Variants in TENM4 observed in about 807,000 individuals in gnomAD.
TENM4 encodes the protein teneurin-4.
TENM4 carries 82 observed loss-of-function variants against 243.3 expected under a neutral mutation model. That is an observed-to-expected ratio of 0.34 (90% CI 0.28 to 0.40). The LOEUF (loss-of-function observed/expected upper bound fraction) is 0.40. TENM4 is among the 10% of genes least tolerant of loss of function. TENM4 has a pLI of 1.00. For synonymous variants in TENM4, 1,412 were observed against 1,456.3 expected (o/e 0.97, Z 0.69); for missense variants, 3,138 against 3,673.3 (o/e 0.85, Z 3.77).
chr11:78,864,352 T>C (rs1208706987), intron 9 of TENM4, among the ~76,000 whole-genome samples: 1 of 130,950 alleles, frequency 7.6e-6, no homozygotes, highest in African/African-American at 3.1e-5. Flanking sequence ...GAGAATGAAG[T>C]GAACCTGGGA....
intron 12 of TENM4, among the ~76,000 whole-genome samples, chr11:78,825,239 T>C (rs1857825690): frequency 6.6e-6 from 1 of 152,232 alleles, no homozygotes; most frequent in Non-Finnish European, 1.5e-5. Flanking sequence ...GAGAAGTCAC[T>C]GTATCTGAGT....
chr11:79,414,133 CAT>C (rs1175404302), intron 1 of TENM4, among the ~76,000 whole-genome samples: 3 of 148,570 alleles, frequency 2.0e-5, no homozygotes, highest in African/African-American at 7.5e-5. Context: ...CTCACACACA[CAT>C]GAACACATAT....
intron 9 of TENM4, among the ~76,000 whole-genome samples, chr11:78,882,355 C>A (rs546108233): frequency 6.6e-6 from 1 of 152,192 alleles, no homozygotes; most frequent in East Asian, 1.9e-4. Flanking sequence ...ATACACAGTT[C>A]GGCCACCATG....
At chr11:79,314,856 C>G (rs1307618692) in intron 1 of TENM4, among the ~76,000 whole-genome samples, 2 of 152,180 alleles carry the variant, frequency 1.3e-5, no homozygotes, top group Non-Finnish European at 2.9e-5. Context: ...GCTCCATACC[C>G]AGAAACTCTG....
intron 22 of TENM4, among the ~76,000 whole-genome samples, chr11:78,727,727 C>T (rs896943332): frequency 2.6e-5 from 4 of 152,210 alleles, no homozygotes; most frequent in African/African-American, 9.7e-5. Context: ...ATGACAGCCT[C>T]CCTGCCCCTG....
chr11:78,817,634 A>G (rs1857635763), intron 12 of TENM4, among the ~76,000 whole-genome samples: 1 of 152,258 alleles, frequency 6.6e-6, no homozygotes, highest in Non-Finnish European at 1.5e-5. Flanking sequence ...CTTTTAAAAA[A>G]TTAAAATTTT....
At chr11:79,199,199 T>C (rs965907575) in intron 3 of TENM4, among the ~76,000 whole-genome samples, 1 of 152,198 alleles carries the variant, frequency 6.6e-6, no homozygotes, top group African/African-American at 2.4e-5. Flanking sequence ...ATTCAAATCT[T>C]GCCTCTCTGT....
chr11:78,785,992 A>C (rs148769182), intron 16 of TENM4, among the ~76,000 whole-genome samples: 192 of 152,174 alleles, frequency 1.3e-3, no homozygotes, highest in African/African-American at 2.3e-3. Flanking sequence ...AAACCAAAAA[A>C]CAAAAAACAA....
At chr11:78,930,743 T>C (rs1326067647) in intron 6 of TENM4, among the ~76,000 whole-genome samples, 1 of 152,222 alleles carries the variant, frequency 6.6e-6, no homozygotes, top group African/African-American at 2.4e-5. Context: ...AAAATTTTGA[T>C]TGTAACCTCA....
chr11:79,339,912 T>C lies in TENM4; in HGVS notation c.-320-42369A>G, dbSNP rs1857214303. On this transcript the variant is annotated intron_variant, in intron 1 of 33. Transcript: ENST00000278550. ...CCGTGGTTGGGTGCAGGATGTGGGG[T>C]AGGCAGACCAGGCATGGGTGGGGGC... Among the ~76,000 whole-genome samples the C allele has an allele frequency of 2.0e-5, 3 of 151,902 alleles. No individual in the cohort carries two copies. The South Asian group carries it at 6.3e-4, about 32-fold the overall frequency.
At chr11:78,735,481 T>G (rs1039391721) in intron 20 of TENM4, among the ~76,000 whole-genome samples, 3 of 152,118 alleles carry the variant, frequency 2.0e-5, no homozygotes, top group African/African-American at 7.2e-5. Context: ...AAGACAAACA[T>G]GAAAAGACAT....
chr11:79,091,716 G>A (rs145364723), intron 4 of TENM4, among the ~76,000 whole-genome samples: 1 of 152,116 alleles, frequency 6.6e-6, no homozygotes, highest in Non-Finnish European at 1.5e-5. Context: ...GAAAAACATG[G>A]GACTGCAGGA....
intron 19 of TENM4, among the ~76,000 whole-genome samples, chr11:78,744,486 G>A (rs951927474): frequency 6.6e-6 from 1 of 152,192 alleles, no homozygotes; most frequent in Non-Finnish European, 1.5e-5. Flanking sequence ...AGACTTGTGG[G>A]GAGCCAGGAC....
chr11:78,905,058 T>C (rs966136741), intron 6 of TENM4, among the ~76,000 whole-genome samples: 1 of 152,172 alleles, frequency 6.6e-6, no homozygotes, highest in Non-Finnish European at 1.5e-5. Context: ...ATCTGTAAAA[T>C]AGGGGAAATA....
chr11:79,146,645 A>G (rs1862400037), intron 4 of TENM4, among the ~76,000 whole-genome samples: 1 of 152,102 alleles, frequency 6.6e-6, no homozygotes, highest in African/African-American at 2.4e-5. Context: ...AAACTCTGAG[A>G]AAAACAAACA....
intron 28 of TENM4, among the ~76,000 whole-genome samples, chr11:78,696,584 G>A (rs895515787): frequency 4.6e-5 from 7 of 152,162 alleles, no homozygotes; most frequent in Non-Finnish European, 7.4e-5. Flanking sequence ...TCTGTTTATG[G>A]TTAGCCTCTA....
chr11:79,021,652 G>C (rs1283292904), intron 6 of TENM4: 1 of 152,406 alleles, frequency 6.6e-6, no homozygotes, highest in East Asian at 1.9e-4. Context: ...GAAGAAAGTA[G>C]ACTTGGAAGT....
intron 32 of TENM4, among the ~76,000 whole-genome samples, chr11:78,667,831 G>C (rs1187432263): frequency 1.3e-5 from 2 of 152,200 alleles, no homozygotes; most frequent in African/African-American, 2.4e-5. Context: ...TGCAAGGTGG[G>C]ATGTGCCCAA....
At chr11:78,943,604 T>G (rs1856949228) in intron 6 of TENM4, among the ~76,000 whole-genome samples, 1 of 152,208 alleles carries the variant, frequency 6.6e-6, no homozygotes, top group African/African-American at 2.4e-5. Context: ...GATAGAAATT[T>G]TCAAGGCATA....
Sources: gnomAD v4.1 joint callset for allele counts (sites outside exome capture counted in the v4.1 genomes callset) on GRCh38, gnomAD v4.1.1 for gene constraint, MANE v1.5 for transcripts, NCBI Gene and HGNC (gene_info 2026-07-23, HGNC 2026-07-21) for gene names.